The following ZFHX3 variants were observed in gnomAD, a reference collection of about 807,000 sequenced individuals.
The protein encoded by ZFHX3 is zinc finger homeobox 3.
In ZFHX3, 42 loss-of-function variants were observed where a neutral mutation model predicts 279.1. The ratio of observed to expected loss-of-function variants is 0.15; its 90% CI spans 0.12 to 0.19. The LOEUF is 0.19. ZFHX3 is among the 10% of genes least tolerant of loss of function. The pLI, the probability that ZFHX3 is intolerant of heterozygous loss-of-function variation, is 1.00. For missense variants in ZFHX3, 4,981 were observed against 4,754.0 expected, an observed-to-expected ratio of 1.05 and a Z score of -1.40; for synonymous variants, 2,293 against 1,957.8, an observed-to-expected ratio of 1.17 and a Z score of -4.52.
intron 2 of ZFHX3, among the ~76,000 whole-genome samples, chr16:73,527,952 G>A (rs1169238056): frequency 6.6e-6 from 1 of 152,220 alleles, no homozygotes; most frequent in Non-Finnish European, 1.5e-5. Context: ...TGACATAATA[G>A]ATGCTTGTTG....
chr16:73,617,596 T>C (rs1012076115), intron 2 of ZFHX3, among the ~76,000 whole-genome samples: 1 of 152,202 alleles, frequency 6.6e-6, no homozygotes, highest in African/African-American at 2.4e-5. Flanking sequence ...CTAAAAATTG[T>C]TTCTTTATTA....
chr16:72,912,634 C>G (rs575441168), intron 3 of ZFHX3, among the ~76,000 whole-genome samples: 4 of 152,074 alleles, frequency 2.6e-5, no homozygotes, highest in Non-Finnish European at 5.9e-5. Flanking sequence ...GGTTGCTGTC[C>G]TTGGGAGGGA....
At chr16:73,651,912 T>A (rs1021653307) in intron 2 of ZFHX3, among the ~76,000 whole-genome samples, 5 of 150,938 alleles carry the variant, frequency 3.3e-5, no homozygotes, top group Non-Finnish European at 1.5e-5. Flanking sequence ...ATAGCCACAA[T>A]GGAAGTCAAA....
intron 2 of ZFHX3, among the ~76,000 whole-genome samples, chr16:73,622,982 G>C (rs1206625016): frequency 6.6e-6 from 1 of 152,120 alleles, no homozygotes; most frequent in Non-Finnish European, 1.5e-5. Flanking sequence ...TCCAAAATGT[G>C]AGGCGATAGA....
intron 2 of ZFHX3, among the ~76,000 whole-genome samples, chr16:73,667,146 CA>C (rs1567546647): frequency 6.6e-6 from 1 of 152,080 alleles, no homozygotes; most frequent in Non-Finnish European, 1.5e-5. Flanking sequence ...TGCCCGCCAC[CA>C]CGCCCGGCTA....
chr16:73,302,739 C>T (rs911572192), intron 4 of ZFHX3, among the ~76,000 whole-genome samples: 1 of 152,256 alleles, frequency 6.6e-6, no homozygotes, highest in South Asian at 2.1e-4. Flanking sequence ...CTGTCAAGGC[C>T]GGTGGGTGAC....
rs774881804 is a variant in ZFHX3 at position 72,811,868 on chromosome 16, C to T, written c.3663+37G>A. 5.0e-6 allele frequency: 8 copies of T among 1,609,476 alleles called. No individual in the cohort carries two copies. In the East Asian group the frequency reaches 6.7e-5, roughly 13 times the overall value. On this transcript the variant is annotated intron_variant, in intron 6 of 9. Coordinates refer to ENST00000268489, the MANE Select transcript of ZFHX3 (RefSeq NM_006885.4). ...TGTTCCCTACCAATGTCTAAAACAC[C>T]TCACCTCCCCACCAGCAGAGTCCCT...
intron 5 of ZFHX3, among the ~76,000 whole-genome samples, chr16:73,179,530 A>C (rs1967744514): frequency 6.6e-6 from 1 of 152,218 alleles, no homozygotes; most frequent in African/African-American, 2.4e-5. Context: ...TTAATAAAAA[A>C]AAATAATAGA....
At chr16:73,546,440 G>T (rs1290167154) in intron 2 of ZFHX3, among the ~76,000 whole-genome samples, 1 of 150,730 alleles carries the variant, frequency 6.6e-6, no homozygotes. Context: ...TGTTTATTAA[G>T]AGGACAGAGT....
chr16:73,812,327 T>C (rs982181045), intron 1 of ZFHX3, among the ~76,000 whole-genome samples: 6 of 152,202 alleles, frequency 3.9e-5, no homozygotes, highest in African/African-American at 1.4e-4. Context: ...CCTGATATCC[T>C]TCCTCTGTCC....
At chr16:73,119,324 C>T (rs1304879887) in intron 7 of ZFHX3, among the ~76,000 whole-genome samples, 1 of 152,142 alleles carries the variant, frequency 6.6e-6, no homozygotes, top group Non-Finnish European at 1.5e-5. Flanking sequence ...CTAGGCTGGT[C>T]TCCAACTTCT....
rs373053680 is a variant in ZFHX3, at chr16:73,695,683, G to A, written c.-1607-15443C>T. 1.1e-4 allele frequency among the ~76,000 whole-genome samples: 17 copies of A among 152,224 alleles called. No individual in the cohort carries two copies. The East Asian group carries it at 1.2e-3, about 10-fold the overall frequency. On this transcript the variant is annotated intron_variant, in intron 1 of 17. Transcript: ENST00000641206. ...TTCATTTCCAAAACAGGGATAATTC[G>A]CCCTTTCCTCCCAGGGCTGCCAAGA...
In ZFHX3 at chr16:73,043,313, G is replaced by A. The variant is rs1464604123; in HGVS notation, c.-50+4439C>T. On this transcript the variant is annotated intron_variant, in intron 1 of 9. Coordinates refer to ENST00000268489, the MANE Select transcript of ZFHX3 (RefSeq NM_006885.4). ...ACCCTCTGATGGACAGGGAGAGGGG[G>A]TCACCCAAAAGGCAGATGAAGCCCA... 2.2e-4 allele frequency among the ~76,000 whole-genome samples: 34 copies of A among 152,166 alleles called. 1 individual carries two copies. Among genetic ancestry groups the A allele is most frequent in the Admixed American group, 2.2e-3 (34 of 15,286 alleles).
intron 2 of ZFHX3, among the ~76,000 whole-genome samples, chr16:73,626,474 A>G (rs2052417924): frequency 6.6e-6 from 1 of 152,170 alleles, no homozygotes; most frequent in Non-Finnish European, 1.5e-5. Flanking sequence ...TTGCAAATCT[A>G]TTGATATGAA....
chr16:73,550,842 A>T (rs747360175), intron 2 of ZFHX3, among the ~76,000 whole-genome samples: 4 of 152,202 alleles, frequency 2.6e-5, no homozygotes, highest in Non-Finnish European at 5.9e-5. Context: ...TCTGAAAGGG[A>T]ATTATTTTAT....
chr16:72,811,788 C>A lies in ZFHX3; in HGVS notation c.3664-11G>T. The A allele has an allele frequency of 3.1e-6, 5 of 1,610,840 alleles. No individual in the cohort carries two copies. The highest frequency in any genetic ancestry group is 4.2e-6 in the Non-Finnish European group (5 of 1,177,870). ...GGGACACTGGTACATCTGTGGGGAA[C>A]ACACCCACTGCTTTGAGCAACTGTG... On this transcript the variant is annotated splice_polypyrimidine_tract_variant and intron_variant, in intron 6 of 9. Transcript: ENST00000268489.
chr16:72,842,399 G>C (rs1368122852), intron 4 of ZFHX3, among the ~76,000 whole-genome samples: 1 of 152,026 alleles, frequency 6.6e-6, no homozygotes, highest in African/African-American at 2.4e-5. Context: ...ATTTCACAAA[G>C]TGAAATACAG....
chr16:73,218,285 A>G (rs1301119943), intron 5 of ZFHX3, among the ~76,000 whole-genome samples: 1 of 152,226 alleles, frequency 6.6e-6, no homozygotes, highest in African/African-American at 2.4e-5. Context: ...CTGAATGATT[A>G]AAAGAAATTG....
rs572824532 is a variant in ZFHX3, at chr16:72,923,937, C to T, written c.3216+26532G>A. ...TGTGTACAATGCCTGGTTCACAACA[C>T]GATTACTCATTACATGTCAAAATAA... On this transcript the variant is annotated intron_variant, in intron 3 of 9. Transcript: ENST00000268489. 5.3e-5 allele frequency among the ~76,000 whole-genome samples: 8 copies of T among 152,300 alleles called. No homozygotes were observed. In the South Asian group the frequency reaches 8.3e-4, roughly 16 times the overall value.
Sources: gnomAD v4.1 joint callset for allele counts (sites outside exome capture counted in the v4.1 genomes callset) on GRCh38, gnomAD v4.1.1 for gene constraint, MANE v1.5 for transcripts, NCBI Gene and HGNC (gene_info 2026-07-23, HGNC 2026-07-21) for gene names.